Variants in DGLUCY observed in about 807,000 individuals in gnomAD.
DGLUCY encodes the protein D-glutamate cyclase, also known as D-glutamate cyclase, mitochondrial.
Under a neutral mutation model 58.5 loss-of-function variants are expected in DGLUCY, and 58 were observed. That is an observed-to-expected ratio of 0.99 (90% confidence interval 0.80 to 1.23). The LOEUF is 1.23. Ranked by LOEUF, DGLUCY falls within the 50% of genes most tolerant of loss-of-function variation. The pLI, the probability that DGLUCY is intolerant of heterozygous loss-of-function variation, is 0.00. For missense variants in DGLUCY, 779 were observed against 784.7 expected (o/e 0.99, Z 0.09); for synonymous variants, 325 against 314.1 (o/e 1.03, Z -0.37).
At chr14:91,144,774 T>C (rs372302652) in intron 1 of DGLUCY, among the ~76,000 whole-genome samples, 5 of 152,146 alleles carry the variant, frequency 3.3e-5, no homozygotes, top group African/African-American at 7.2e-5. Flanking sequence ...AACAGGAAAG[T>C]TGCTTTTGTG....
At chr14:91,175,623 G>A (rs1423821530) in intron 6 of DGLUCY, 1 of 268,292 alleles carries the variant, frequency 3.7e-6, no homozygotes, top group East Asian at 8.4e-5. Context: ...AACCCCCCAA[G>A]GCTGGCTTTG....
chr14:91,130,260 T>C (rs1415300540), intron 1 of DGLUCY, among the ~76,000 whole-genome samples: 2 of 152,130 alleles, frequency 1.3e-5, no homozygotes, highest in Admixed American at 1.3e-4. Flanking sequence ...ATAGTTATAA[T>C]TTGCATGTAT....
At chr14:91,184,722 A>G (rs1185174207) in intron 8 of DGLUCY, among the ~76,000 whole-genome samples, 2 of 151,486 alleles carry the variant, frequency 1.3e-5, no homozygotes, top group Non-Finnish European at 2.9e-5. Flanking sequence ...TAGGAGCAAA[A>G]GTTGTCTTCC....
intron 1 of DGLUCY, among the ~76,000 whole-genome samples, chr14:91,135,598 C>T (rs1773973350): frequency 7.0e-6 from 1 of 143,240 alleles, no homozygotes; most frequent in African/African-American, 2.6e-5. Context: ...TGCAGCGAGC[C>T]GAGATCGAGC....
chr14:91,061,701 T>TGG (rs1342529410), intron 1 of DGLUCY, among the ~76,000 whole-genome samples: 1 of 151,586 alleles, frequency 6.6e-6, no homozygotes, highest in Non-Finnish European at 1.5e-5. Flanking sequence ...AAGGCAAGGG[T>TGG]GGGTTAAGTG....
chr14:91,171,349 G>T (rs4904756), intron 5 of DGLUCY, among the ~76,000 whole-genome samples: 2,137 of 152,286 alleles, frequency 0.014, 24 homozygotes, highest in Non-Finnish European at 0.018. Flanking sequence ...GCCTACAAAG[G>T]TGCAAGTAAG....
intron 1 of DGLUCY, among the ~76,000 whole-genome samples, chr14:91,120,030 G>C (rs1420278563): frequency 1.3e-5 from 2 of 152,168 alleles, no homozygotes; most frequent in Non-Finnish European, 1.5e-5. Context: ...GACTTGGATT[G>C]GCTTCCCTGC....
rs534150059 is a variant in DGLUCY, at chr14:91,215,003, G to A, written c.1565-402G>A. 2.6e-5 allele frequency among the ~76,000 whole-genome samples: 4 copies of A among 152,158 alleles called. No individual in the cohort carries two copies. In the South Asian group the frequency reaches 8.3e-4, roughly 32 times the overall value. On this transcript the variant is annotated intron_variant, in intron 12 of 13. Coordinates refer to ENST00000256324, the MANE Select transcript of DGLUCY (RefSeq NM_001102368.3). ...GTCCCTTCTAAAAATATAAAAATTA[G>A]CTGGGCATGGTGGCACACACCTGTA... is the stretch of plus-strand genomic sequence containing the variant.
chr14:91,093,049 A>C (rs1211298430), intron 1 of DGLUCY, among the ~76,000 whole-genome samples: 2 of 150,576 alleles, frequency 1.3e-5, no homozygotes, highest in Non-Finnish European at 3.0e-5. Context: ...GTGCCACTGC[A>C]CTCCAGCCTG....
intron 3 of DGLUCY, chr14:91,165,178 A>G (rs2140368925): frequency 2.2e-6 from 1 of 454,828 alleles, no homozygotes; most frequent in East Asian, 6.9e-5. Flanking sequence ...TTAATGACAC[A>G]TAACAAACAT....
At chr14:91,073,839 C>T (rs888663250) in intron 1 of DGLUCY, among the ~76,000 whole-genome samples, 1 of 151,086 alleles carries the variant, frequency 6.6e-6, no homozygotes, top group Non-Finnish European at 1.5e-5. Context: ...GAGCTATGAC[C>T]GTCTTACTGC....
At chr14:91,062,085 A>G (rs1324874809) in intron 1 of DGLUCY, among the ~76,000 whole-genome samples, 1 of 152,200 alleles carries the variant, frequency 6.6e-6, no homozygotes, top group African/African-American at 2.4e-5. Flanking sequence ...GACCTTTTTC[A>G]CAACTACTCA....
At chr14:91,181,706 C>G (rs1367384787) in intron 8 of DGLUCY, among the ~76,000 whole-genome samples, 1 of 145,412 alleles carries the variant, frequency 6.9e-6, no homozygotes, top group African/African-American at 2.6e-5. Flanking sequence ...CAGAGTCTTA[C>G]TCTATTGCCC....
chr14:91,183,334 G>T (rs560315016), intron 8 of DGLUCY, among the ~76,000 whole-genome samples: 3 of 152,322 alleles, frequency 2.0e-5, no homozygotes, highest in Non-Finnish European at 4.4e-5. Context: ...CTAAAAGCTG[G>T]TTGAGGGGCT....
At chr14:91,178,401 C>A (rs763321583) in intron 7 of DGLUCY, among the ~76,000 whole-genome samples, 2 of 152,072 alleles carry the variant, frequency 1.3e-5, no homozygotes, top group Non-Finnish European at 2.9e-5. Context: ...TGGGCTCAAG[C>A]GATCCTCCCA....
chr14:91,215,934 C>T, intron 13 of DGLUCY: 1 of 389,326 alleles, frequency 2.6e-6, no homozygotes, highest in Non-Finnish European at 4.6e-6. Flanking sequence ...CTGTCAGCCC[C>T]CTCCAAGGAA....
chr14:91,067,752 G>A lies in DGLUCY; in HGVS notation c.-82+7048G>A, dbSNP rs146448079. Among the ~76,000 whole-genome samples the A allele has an allele frequency of 5.8e-3, 878 of 152,012 alleles. 4 individuals carry two copies. The highest frequency in any genetic ancestry group is 0.014 in the Admixed American group (210 of 15,258). On this transcript the variant is annotated intron_variant, in intron 1 of 4. Coordinates refer to the DGLUCY transcript ENST00000521334. ...TTTTGTAGAGATGGGATTTCACCTT[G>A]TTGCCCAGGCTGGTCTCGAACTCCT...
intron 1 of DGLUCY, among the ~76,000 whole-genome samples, chr14:91,115,998 T>C (rs1202474589): frequency 6.6e-6 from 1 of 152,216 alleles, no homozygotes; most frequent in Non-Finnish European, 1.5e-5. Context: ...TTGCTGCTCC[T>C]TCTGGTTTGA....
At chr14:91,130,752 G>A (rs1395837999) in intron 1 of DGLUCY, among the ~76,000 whole-genome samples, 1 of 151,894 alleles carries the variant, frequency 6.6e-6, no homozygotes, top group African/African-American at 2.4e-5. Flanking sequence ...CCAAGTAGTT[G>A]GGACCACAGA....
Sources: gnomAD v4.1 joint callset for allele counts (sites outside exome capture counted in the v4.1 genomes callset) on GRCh38, gnomAD v4.1.1 for gene constraint, MANE v1.5 for transcripts, NCBI Gene and HGNC (gene_info 2026-07-23, HGNC 2026-07-21) for gene names.